Variants in ZNF765 observed in about 807,000 individuals in gnomAD.
ZNF765 encodes the protein zinc finger protein 765.
In ZNF765, 37 loss-of-function variants were observed where a neutral mutation model predicts 44.7. The ratio of observed to expected loss-of-function variants is 0.83; its 90% CI spans 0.64 to 1.09. The LOEUF is 1.09. Among genes scored for constraint, ZNF765 ranks in the 50% least tolerant of loss-of-function variants. The pLI, the probability that ZNF765 is intolerant of heterozygous loss-of-function variation, is 0.00. For missense variants in ZNF765, 594 were observed against 626.1 expected, an observed-to-expected ratio of 0.95 and a Z score of 0.55; for synonymous variants, 201 against 213.7, an observed-to-expected ratio of 0.94 and a Z score of 0.52.
At position 53,411,372 on chromosome 19, in the gene ZNF765, AAC is replaced by A. The variant is rs2039440939; in HGVS notation, c.*2246_*2247del. The A allele has an allele frequency of 6.6e-6, 1 of 150,642 alleles. No individual in the cohort carries two copies. Among genetic ancestry groups the A allele is most frequent in the African/African-American group, 2.5e-5 (1 of 40,650 alleles). 9.3% of individuals were successfully genotyped at this position (150,642 alleles called of 1,614,324 possible). On this transcript the variant is annotated 3_prime_UTR_variant, in exon 4 of 4. Coordinates refer to ENST00000396408, the MANE Select transcript of ZNF765 (RefSeq NM_001040185.3). ...CAATGGAGCGATCCCAGCTCACTAC[AAC>A]CTCCGCCTCCCAGGTTCAAGCAATT...
At chr19:53,396,924 A>T (rs1209769052) in intron 1 of ZNF765, among the ~76,000 whole-genome samples, 4 of 152,228 alleles carry the variant, frequency 2.6e-5, no homozygotes, top group African/African-American at 9.6e-5. Flanking sequence ...CTATTAGCTG[A>T]GTGGTAGTCT....
At chr19:53,404,998 G>A (rs1203105340) in intron 3 of ZNF765, among the ~76,000 whole-genome samples, 1 of 152,110 alleles carries the variant, frequency 6.6e-6, no homozygotes, top group Non-Finnish European at 1.5e-5. Flanking sequence ...TGGGCAGATC[G>A]CTTGAAGTCA....
chr19:53,401,875 T>TA, intron 2 of ZNF765, 190 bp from the exon 3 acceptor site: 4 of 1,264,960 alleles, frequency 3.2e-6, no homozygotes, highest in East Asian at 2.5e-5. Flanking sequence ...GACTCCACCT[T>TA]TAAAAAAAAA....
At chr19:53,414,046 G>A (rs901529717), downstream of ZNF765, among the ~76,000 whole-genome samples, 2 of 150,766 alleles carry the variant, frequency 1.3e-5, no homozygotes, top group East Asian at 4.0e-4. Flanking sequence ...TTTGAGACCA[G>A]CCTGACTAAC....
intron 3 of ZNF765, among the ~76,000 whole-genome samples, chr19:53,403,950 C>T (rs1457424686): frequency 6.6e-6 from 1 of 151,946 alleles, no homozygotes; most frequent in East Asian, 1.9e-4. Flanking sequence ...GTTGCATTCG[C>T]ATTAACATAT....
At chr19:53,421,377 G>T (rs2085906340) in intron 3 of ZNF765, among the ~76,000 whole-genome samples, 1 of 152,084 alleles carries the variant, frequency 6.6e-6, no homozygotes, top group African/African-American at 2.4e-5. Flanking sequence ...CCGGTCCCCT[G>T]GGCCCACTGT....
rs545832573 is a variant in ZNF765, at chr19:53,400,492, T to C, written c.16-1573T>C. ...TTAGATCTGACAAGATTCCCCCCTG[T>C]CCCCAACTGCCAATGTATCCTTTTG... On this transcript the variant is annotated intron_variant, in intron 2 of 3. Coordinates refer to ENST00000396408, the MANE Select transcript of ZNF765 (RefSeq NM_001040185.3). 1.6e-3 allele frequency among the ~76,000 whole-genome samples: 238 copies of C among 152,106 alleles called. 6 individuals carry two copies. The East Asian group carries it at 0.043, about 27-fold the overall frequency.
intron 3 of ZNF765, among the ~76,000 whole-genome samples, chr19:53,422,398 C>A (rs151132639): frequency 0.012 from 1,859 of 152,110 alleles, 41 homozygotes; most frequent in African/African-American, 0.041. Context: ...CCTGGCTCAT[C>A]GATTATGAAG....
chr19:53,413,447 A>G (rs577140384), downstream of ZNF765: 36 of 454,332 alleles, frequency 7.9e-5, no homozygotes, highest in Non-Finnish European at 1.4e-4. Context: ...AGAGTTGGAC[A>G]TGTTTTATTG....
At chr19:53,414,494 C>CACCACCACCACCACCACCA (rs2085862624), downstream of ZNF765, among the ~76,000 whole-genome samples, 2 of 29,188 alleles carry the variant, frequency 6.9e-5, no homozygotes, top group Non-Finnish European at 9.2e-5. Context: ...CACACACCCC[C>CACCACCACCACCACCACCA]CCCCCCCCCC....
chr19:53,422,089 G>C (rs1301040121), intron 3 of ZNF765, among the ~76,000 whole-genome samples: 2 of 152,218 alleles, frequency 1.3e-5, no homozygotes, highest in African/African-American at 4.8e-5. Flanking sequence ...TTCATAATTG[G>C]TATCAGCCTC....
chr19:53,414,996 G>A (rs2085866413), downstream of ZNF765, among the ~76,000 whole-genome samples: 1 of 152,092 alleles, frequency 6.6e-6, no homozygotes, highest in Non-Finnish European at 1.5e-5. Flanking sequence ...GATTGGCCAC[G>A]CACGGTGGCT....
In ZNF765 at chr19:53,408,204, T is replaced by TC. The variant is rs2147097599; in HGVS notation, c.649_650insC (p.Cys217SerfsTer3). On this transcript the variant is annotated frameshift_variant, in exon 4 of 4. Coordinates refer to ENST00000396408, the MANE Select transcript of ZNF765 (RefSeq NM_001040185.3). LOFTEE classifies it high-confidence loss of function. Reference sequence around the variant, plus strand: ...ACATATGAGGGAAAAATCTTTCCAATGCAATGACAGTGGCAAAGCCTATAA... The same window carrying TC: ...ACATATGAGGGAAAAATCTTTCCAATCGCAATGACAGTGGCAAAGCCTATAA... The TC allele has an allele frequency of 6.2e-7, 1 of 1,614,214 alleles. No individual in the cohort carries two copies.
chr19:53,425,818 G>A (rs1455460335), exon 4 of ZNF765: 2 of 152,322 alleles, frequency 1.3e-5, no homozygotes, highest in East Asian at 1.9e-4. Context: ...ATGCAGCACA[G>A]GCCGGGCGTG....
rs60241115 is a variant in ZNF765 at position 53,399,482 on chromosome 19, T to C, written c.15+1452T>C. The stretch of plus-strand genomic sequence containing the variant: ...TGTATTTCTGCATCATATGAGACTT[T>C]AGAAAAAATTATTCAATAAATTGAA... On this transcript the variant is annotated intron_variant, in intron 2 of 3. Coordinates refer to ENST00000396408, the MANE Select transcript of ZNF765 (RefSeq NM_001040185.3). Among the ~76,000 whole-genome samples, 645 of 151,902 alleles carry C rather than the reference T, an allele frequency of 4.2e-3. 5 individuals carry two copies. The highest frequency in any genetic ancestry group is 0.015 in the African/African-American group (615 of 41,430).
chr19:53,420,273 G>A (rs775019397), intron 3 of ZNF765, among the ~76,000 whole-genome samples: 27 of 151,924 alleles, frequency 1.8e-4, no homozygotes, highest in African/African-American at 6.0e-4. Context: ...CAGAAGTTGC[G>A]GTGAGCCAAG....
At chr19:53,397,381 G>C (rs1375611714) in intron 1 of ZNF765, among the ~76,000 whole-genome samples, 1 of 152,168 alleles carries the variant, frequency 6.6e-6, no homozygotes, top group Non-Finnish European at 1.5e-5. Context: ...GGTTAAGCGT[G>C]TAAACTTAAG....
chr19:53,405,903 C>CCATATATATATA (rs2085768367), intron 3 of ZNF765, among the ~76,000 whole-genome samples: 7 of 49,184 alleles, frequency 1.4e-4, no homozygotes, highest in African/African-American at 4.1e-4. Context: ...TTAATACCAA[C>CCATATATATATA]TATATATATA....
chr19:53,399,754 G>T (rs1282436522), intron 2 of ZNF765, among the ~76,000 whole-genome samples: 3 of 152,182 alleles, frequency 2.0e-5, no homozygotes, highest in Non-Finnish European at 4.4e-5. Flanking sequence ...GGTCATCGGG[G>T]TTTGTTGTTC....
Sources: allele counts gnomAD v4.1 joint callset (sites outside exome capture counted in the v4.1 genomes callset), GRCh38; gene constraint gnomAD v4.1.1; transcripts MANE v1.5; gene names NCBI Gene and HGNC (gene_info 2026-07-23, HGNC 2026-07-21).